Variants in ELAPOR2 observed in about 807,000 individuals in gnomAD.
The protein encoded by ELAPOR2 is endosome-lysosome associated apoptosis and autophagy regulator family member 2.
ELAPOR2 carries 89 observed loss-of-function variants against 120.7 expected under a neutral mutation model. The observed-to-expected ratio is 0.74, with a 90% CI of 0.62 to 0.88. The LOEUF is 0.88. Ranked by LOEUF, ELAPOR2 falls within the 40% of genes least tolerant of loss-of-function variation. The pLI is 0.00. For synonymous variants in ELAPOR2, 444 were observed against 444.9 expected (o/e 1.00, Z 0.03); for missense variants, 1,134 against 1,251.6 (o/e 0.91, Z 1.42).
Position 86,912,848 on chromosome 7 carries a change from C to T in ELAPOR2, c.1995+93G>A, listed in dbSNP as rs1789378158. ...GTCTTATTTCAGAATAAATAGCAAC[C>T]TCATAGCTCCCAGAGAAACATTAAG... On this transcript the variant is annotated intron_variant, in intron 14 of 21. Coordinates refer to ENST00000450689, the MANE Select transcript of ELAPOR2 (RefSeq NM_001142749.3). The T allele has an allele frequency of 2.1e-6, 3 of 1,429,126 alleles. No homozygotes were observed. In the South Asian group the frequency reaches 4.0e-5, roughly 19 times the overall value. 88.5% of individuals were successfully genotyped at this position (1,429,126 alleles called of 1,614,324 possible).
At chr7:86,994,497 T>C (rs1044361409) in intron 1 of ELAPOR2, among the ~76,000 whole-genome samples, 1 of 152,206 alleles carries the variant, frequency 6.6e-6, no homozygotes, top group Non-Finnish European at 1.5e-5. Context: ...CTAACACATA[T>C]ACTTTTTAAA....
chr7:86,913,242 G>C, intron 13 of ELAPOR2, 38 bp from the exon 14 acceptor site: 1 of 1,596,150 alleles, frequency 6.3e-7, no homozygotes, highest in Non-Finnish European at 8.6e-7. Flanking sequence ...TTCTGCCTTG[G>C]GGCTTAGTTG....
chr7:86,994,755 C>A (rs1178712893), intron 1 of ELAPOR2, among the ~76,000 whole-genome samples: 1 of 151,988 alleles, frequency 6.6e-6, no homozygotes, highest in African/African-American at 2.4e-5. Context: ...AAGAAGATAT[C>A]TTAGTTTTGT....
chr7:87,052,242 T>G (rs1795128579), intron 1 of ELAPOR2, among the ~76,000 whole-genome samples: 1 of 152,218 alleles, frequency 6.6e-6, no homozygotes, highest in Admixed American at 6.5e-5. Context: ...ATAGTTTCAG[T>G]GGCTAGGGAG....
chr7:86,887,117 C>T (rs1438663881), intron 21 of ELAPOR2, among the ~76,000 whole-genome samples: 1 of 152,046 alleles, frequency 6.6e-6, no homozygotes, highest in African/African-American at 2.4e-5. Flanking sequence ...TCAAGGTTAC[C>T]CTTTTTGGAT....
intron 8 of ELAPOR2, among the ~76,000 whole-genome samples, chr7:86,930,126 T>C (rs1790263020): frequency 6.6e-6 from 1 of 151,882 alleles, no homozygotes; most frequent in African/African-American, 2.4e-5. Context: ...ACCATGGAAA[T>C]TTAACATTTT....
At chr7:87,011,708 G>A (rs1360941991) in intron 1 of ELAPOR2, among the ~76,000 whole-genome samples, 2 of 152,146 alleles carry the variant, frequency 1.3e-5, no homozygotes, top group Non-Finnish European at 2.9e-5. Flanking sequence ...TGGGTCACTA[G>A]GGAGTTGATC....
chr7:86,957,448 G>A (rs962511785), intron 2 of ELAPOR2, among the ~76,000 whole-genome samples: 9 of 152,252 alleles, frequency 5.9e-5, no homozygotes, highest in East Asian at 1.9e-4. Flanking sequence ...GCCATGAAAG[G>A]ATTATATATT....
At chr7:86,977,830 C>T (rs886113749) in intron 1 of ELAPOR2, among the ~76,000 whole-genome samples, 1 of 152,054 alleles carries the variant, frequency 6.6e-6, no homozygotes, top group African/African-American at 2.4e-5. Context: ...TTTCTAAGCA[C>T]ATTTATTTAA....
chr7:86,883,028 G>C (rs1344484383), intron 21 of ELAPOR2, among the ~76,000 whole-genome samples: 2 of 129,672 alleles, frequency 1.5e-5, no homozygotes, highest in Non-Finnish European at 3.2e-5. Flanking sequence ...AAAGGGGTGT[G>C]TGTGTGTGTG....
At chr7:86,965,986 C>A in intron 1 of ELAPOR2, 1 of 984,302 alleles carries the variant, frequency 1.0e-6, no homozygotes, top group Non-Finnish European at 1.2e-6. Flanking sequence ...ACTTTGCTAA[C>A]AATGACTGTC....
intron 1 of ELAPOR2, among the ~76,000 whole-genome samples, chr7:86,981,975 T>G (rs1361969207): frequency 6.6e-6 from 1 of 152,230 alleles, no homozygotes; most frequent in Non-Finnish European, 1.5e-5. Context: ...GCTTTCCCAA[T>G]GGTCTTAGCA....
At chr7:87,041,732 T>A (rs1794794447) in intron 1 of ELAPOR2, among the ~76,000 whole-genome samples, 2 of 151,188 alleles carry the variant, frequency 1.3e-5, no homozygotes, top group East Asian at 1.9e-4. Flanking sequence ...GCTAACATCA[T>A]CATGACAGGA....
chr7:86,936,053 T>G (rs1490189716), intron 8 of ELAPOR2, among the ~76,000 whole-genome samples: 2 of 151,970 alleles, frequency 1.3e-5, no homozygotes, highest in Non-Finnish European at 2.9e-5. Context: ...GATTTCCTTG[T>G]CAATCAACTC....
At chr7:86,931,885 A>T (rs1264009941) in intron 8 of ELAPOR2, among the ~76,000 whole-genome samples, 4 of 152,018 alleles carry the variant, frequency 2.6e-5, no homozygotes, top group Non-Finnish European at 1.5e-5. Flanking sequence ...TATGATTTCT[A>T]TGAACCTGTG....
intron 1 of ELAPOR2, among the ~76,000 whole-genome samples, chr7:87,043,545 T>C (rs1445600768): frequency 1.4e-3 from 213 of 149,684 alleles, no homozygotes; most frequent in African/African-American, 5.1e-3. Context: ...GAAAAAGCCT[T>C]TGACAAAATT....
chr7:87,035,998 A>T (rs2116750480), intron 1 of ELAPOR2, among the ~76,000 whole-genome samples: 1 of 152,356 alleles, frequency 6.6e-6, no homozygotes, highest in Non-Finnish European at 1.5e-5. Context: ...ATAGTAAAAC[A>T]GTAAAAGGAC....
At chr7:86,912,318 A>C in intron 14 of ELAPOR2, 73 bp from the exon 15 acceptor site, 1 of 958,558 alleles carries the variant, frequency 1.0e-6, no homozygotes. Context: ...GTTTGAAAAA[A>C]GTTCTAGGTA....
At chr7:86,965,878 T>C in intron 1 of ELAPOR2, 2 of 985,266 alleles carry the variant, frequency 2.0e-6, no homozygotes, top group Non-Finnish European at 2.4e-6. Flanking sequence ...CCTCCCTCAC[T>C]GTGTCAATGA....
Sources: allele counts gnomAD v4.1 joint callset (sites outside exome capture counted in the v4.1 genomes callset), GRCh38; gene constraint gnomAD v4.1.1; transcripts MANE v1.5; gene names NCBI Gene and HGNC (gene_info 2026-07-23, HGNC 2026-07-21).